Variants in FKTN observed in about 807,000 individuals in gnomAD.
FKTN encodes the protein ribitol-5-phosphate transferase FKTN.
FKTN carries 47 observed loss-of-function variants against 58.6 expected under a neutral mutation model. The observed-to-expected ratio is 0.80, with a 90% CI of 0.63 to 1.02. FKTN has a LOEUF of 1.02. FKTN is among the 50% of genes least tolerant of loss of function. FKTN has a pLI of 0.00. For synonymous variants in FKTN, 178 were observed against 191.9 expected (o/e 0.93, Z 0.60); for missense variants, 516 against 537.3 (o/e 0.96, Z 0.39).
intron 7 of FKTN, among the ~76,000 whole-genome samples, chr9:105,612,758 A>G (rs569229030): frequency 1.3e-5 from 2 of 152,292 alleles, no homozygotes; most frequent in South Asian, 4.1e-4. Flanking sequence ...TGAGCTCAGG[A>G]GTTTGAGACC....
intron 10 of FKTN, among the ~76,000 whole-genome samples, chr9:105,627,762 C>T (rs1832910211): frequency 6.6e-6 from 1 of 151,318 alleles, no homozygotes; most frequent in Admixed American, 6.6e-5. Context: ...TTTTTCTTTC[C>T]CTCTCTCATG....
Position 105,617,316 on chromosome 9 carries a change from T to A in FKTN, c.911-643T>A, listed in dbSNP as rs574379940. Among the ~76,000 whole-genome samples the A allele has an allele frequency of 7.2e-4, 109 of 152,318 alleles. 2 individuals are homozygous for A. In the South Asian group the frequency reaches 0.022, roughly 31 times the overall value. ...TGCTATAGCAATGAATTAGAGCACA[T>A]ACGTGGTAAACACTTAGAAATATCA... On this transcript the variant is annotated intron_variant, in intron 8 of 10. Transcript: ENST00000357998.
chr9:105,608,896 T>G (rs1185714596), intron 7 of FKTN, among the ~76,000 whole-genome samples: 1 of 152,248 alleles, frequency 6.6e-6, no homozygotes, highest in East Asian at 1.9e-4. Flanking sequence ...AAGTGCTGCC[T>G]GACATATGCC....
Position 105,640,197 on chromosome 9 carries a change from G to A in FKTN, c.*4933G>A. 3.9e-6 allele frequency: 6 copies of A among 1,527,458 alleles called. No individual in the cohort carries two copies. The highest frequency in any genetic ancestry group is 4.4e-6 in the Non-Finnish European group (5 of 1,142,300). The allele number at this position is 1,527,458 out of a possible 1,614,324, so 94.6% of individuals were successfully genotyped here. On this transcript the variant is annotated 3_prime_UTR_variant, in exon 11 of 11. Coordinates refer to ENST00000357998, the MANE Select transcript of FKTN (RefSeq NM_001079802.2). ...ATAAGTGAAACAGACTAATTCAATG[G>A]CAATACCTTTTGTATAGGTCCTGTG...
At chr9:105,597,882 G>A (rs1177987552) in intron 4 of FKTN, among the ~76,000 whole-genome samples, 3 of 152,190 alleles carry the variant, frequency 2.0e-5, no homozygotes, top group African/African-American at 4.8e-5. Context: ...ATTTAAAGCC[G>A]TAGTAGCTTC....
chr9:105,600,274 T>C (rs946674442), intron 4 of FKTN, among the ~76,000 whole-genome samples: 1 of 152,184 alleles, frequency 6.6e-6, no homozygotes, highest in Non-Finnish European at 1.5e-5. Context: ...TGTCTATTTA[T>C]TTATCTTGTA....
In FKTN at chr9:105,635,146, A is replaced by G. The variant is rs938689811; in HGVS notation, c.1268A>G (p.Tyr423Cys). The G allele has an allele frequency of 2.5e-6, 4 of 1,613,958 alleles. No individual in the cohort carries two copies. The highest frequency in any genetic ancestry group is 1.3e-5 in the African/African-American group (1 of 74,942). Residue 423 changes from tyrosine to cysteine, a missense_variant, in exon 11 of 11, where the codon TAT becomes TGT. Physicochemically the swap from Tyr to Cys is radical, Grantham distance 194. Coordinates refer to ENST00000357998, the MANE Select transcript of FKTN (RefSeq NM_001079802.2). ...ACCCTCGAATACATTGAAGCCAACT[A>G]TGGTAAGACCTGGAAGATTCCTGTA... ...CETLEYIEAN[Y>C]GKTWKIPVKT...
At chr9:105,573,066 C>G (rs1025285050) in intron 1 of FKTN, among the ~76,000 whole-genome samples, 21 of 152,048 alleles carry the variant, frequency 1.4e-4, no homozygotes, top group African/African-American at 4.6e-4. Context: ...AAAACCCCGT[C>G]TAAACTAAAT....
At chr9:105,622,799 G>GTAT (rs1200933227) in intron 10 of FKTN, among the ~76,000 whole-genome samples, 1 of 151,952 alleles carries the variant, frequency 6.6e-6, no homozygotes, top group South Asian at 2.1e-4. Context: ...TGTCAGTACT[G>GTAT]TATTATTATT....
rs377033922 is a variant in FKTN at position 105,584,609 on chromosome 9, CAA to C, written c.105+9473_105+9474del. 3.1e-3 allele frequency among the ~76,000 whole-genome samples: 473 copies of C among 152,108 alleles called. 4 individuals are homozygous for C. Among genetic ancestry groups the C allele is most frequent in the African/African-American group, 0.011 (444 of 41,474 alleles). On this transcript the variant is annotated intron_variant, in intron 3 of 10. Transcript: ENST00000357998. ...CTGAGGTGTGCAGATTGCTTGAGCC[CAA>C]GAGTTTGAAACCAGCCATGGCACCA...
intron 1 of FKTN, among the ~76,000 whole-genome samples, chr9:105,569,909 T>C (rs557666142): frequency 1.2e-3 from 185 of 152,300 alleles, no homozygotes; most frequent in African/African-American, 4.2e-3. Flanking sequence ...TGCTGTCTTC[T>C]TTAGGAAACT....
chr9:105,575,217 A>G (rs1226373871), intron 3 of FKTN, 80 bp downstream of exon 3: 2 of 850,190 alleles, frequency 2.4e-6, no homozygotes, highest in Admixed American at 3.5e-5. Flanking sequence ...TTTGCAATAC[A>G]TAATATTAAT....
intron 3 of FKTN, among the ~76,000 whole-genome samples, chr9:105,577,434 C>T (rs892870313): frequency 2.1e-4 from 31 of 145,206 alleles, no homozygotes; most frequent in South Asian, 4.5e-4. Flanking sequence ...GAATCCTTTC[C>T]CCATTTCTTG....
chr9:105,573,943 G>C (rs1841231025), intron 2 of FKTN, among the ~76,000 whole-genome samples, 197 bp downstream of exon 2: 1 of 152,144 alleles, frequency 6.6e-6, no homozygotes, highest in South Asian at 2.1e-4. Context: ...AAAGCTCAAG[G>C]TAAGTGGTAC....
rs1222775225 is a variant in FKTN at position 105,618,108 on chromosome 9, C to T, written c.1044+16C>T. 8 of 1,607,694 alleles carry T rather than the reference C, an allele frequency of 5.0e-6. No homozygotes were observed. Among genetic ancestry groups the T allele is most frequent in the Middle Eastern group, 1.7e-4 (1 of 6,048 alleles). On this transcript the variant is annotated intron_variant, in intron 9 of 10. Coordinates refer to ENST00000357998, the MANE Select transcript of FKTN (RefSeq NM_001079802.2). ...ATTTGGGAAGGTCAGTAACAAAAGT[C>T]GGCTTCATTTCATAAGTAACATATC... is the stretch of plus-strand genomic sequence containing the variant.
In FKTN at chr9:105,635,531, T is replaced by C. The variant is rs188381546; in HGVS notation, c.*267T>C. On this transcript the variant is annotated 3_prime_UTR_variant, in exon 11 of 11. Transcript: ENST00000357998. Reference sequence around the variant, plus strand: ...TTTATTCCTCCTTTTGGTAAACAACTCAATTTTCCTTTGAGGGAACCCTCC... The same window carrying C: ...TTTATTCCTCCTTTTGGTAAACAACCCAATTTTCCTTTGAGGGAACCCTCC... 6.0e-6 allele frequency: 8 copies of C among 1,326,196 alleles called. No homozygotes were observed. In the African/African-American group the frequency reaches 8.9e-5, roughly 15 times the overall value. The allele number at this position is 1,326,196 out of a possible 1,614,324, so 82.2% of individuals were successfully genotyped here.
chr9:105,574,596 C>A (rs959860710), intron 2 of FKTN, among the ~76,000 whole-genome samples: 1 of 151,896 alleles, frequency 6.6e-6, no homozygotes, highest in Non-Finnish European at 1.5e-5. Context: ...GCATTGTCAG[C>A]AGCACCAGCA....
chr9:105,575,169 C>A, intron 3 of FKTN, 32 bp downstream of exon 3: 2 of 1,123,690 alleles, frequency 1.8e-6, no homozygotes, highest in Non-Finnish European at 2.7e-6. Flanking sequence ...TATCATTCCT[C>A]CTTTCTTATC....
chr9:105,591,175 T>C (rs1281531696), intron 3 of FKTN, among the ~76,000 whole-genome samples: 1 of 152,122 alleles, frequency 6.6e-6, no homozygotes, highest in Non-Finnish European at 1.5e-5. Context: ...ACCATATTAT[T>C]CTGCCCCTGG....
Sources: gnomAD v4.1 joint callset for allele counts (sites outside exome capture counted in the v4.1 genomes callset) on GRCh38, gnomAD v4.1.1 for gene constraint, MANE v1.5 for transcripts, NCBI Gene and HGNC (gene_info 2026-07-23, HGNC 2026-07-21) for gene names.